PRKACB: variants seen among roughly 807,000 people sequenced by gnomAD.
PRKACB encodes protein kinase cAMP-activated catalytic subunit beta, also known as cAMP-dependent protein kinase catalytic subunit beta.
In PRKACB, 16 loss-of-function variants were observed where a neutral mutation model predicts 51.4. The observed-to-expected ratio is 0.31, with a 90% confidence interval of 0.21 to 0.47. PRKACB has a LOEUF of 0.47. Among genes scored for constraint, PRKACB ranks in the 20% least tolerant of loss-of-function variants. PRKACB has a pLI of 1.00. For synonymous variants in PRKACB, 147 were observed against 154.4 expected (o/e 0.95, Z 0.35); for missense variants, 309 against 464.5 (o/e 0.67, Z 3.08).
At chr1:84,201,106 T>C (rs1209982143) in intron 7 of PRKACB, among the ~76,000 whole-genome samples, 1 of 152,162 alleles carries the variant, frequency 6.6e-6, no homozygotes, top group African/African-American at 2.4e-5. Context: ...TAGGAACATT[T>C]TTAAGGCTTT....
intron 1 of PRKACB, among the ~76,000 whole-genome samples, chr1:84,168,012 C>T (rs1658098581): frequency 6.6e-6 from 1 of 151,460 alleles, no homozygotes; most frequent in South Asian, 2.1e-4. Flanking sequence ...CAAACAAGGT[C>T]TATAAAGAAA....
chr1:84,180,537 C>T (rs1051410049), intron 2 of PRKACB, among the ~76,000 whole-genome samples: 14 of 151,114 alleles, frequency 9.3e-5, no homozygotes, highest in African/African-American at 3.4e-4. Flanking sequence ...CTCATGTAAC[C>T]AAATACCACC....
At chr1:84,106,846 T>C (rs1234419252) in intron 1 of PRKACB, among the ~76,000 whole-genome samples, 1 of 152,174 alleles carries the variant, frequency 6.6e-6, no homozygotes, top group Non-Finnish European at 1.5e-5. Flanking sequence ...ATTGCCTGAC[T>C]TCAAACTGTA....
Position 84,162,439 on chromosome 1 carries a change from T to C in PRKACB, c.188-16738T>C, listed in dbSNP as rs75032038. ...ATGAGATATATGTTGGTTCCCTTGATATCCCATAAGTTTCTCAGGCTCTGT... is the reference window on the plus strand; with the variant it reads ...ATGAGATATATGTTGGTTCCCTTGACATCCCATAAGTTTCTCAGGCTCTGT... On this transcript the variant is annotated intron_variant, in intron 1 of 9. Coordinates refer to ENST00000370685, the MANE Select transcript of PRKACB (RefSeq NM_182948.4). Among the ~76,000 whole-genome samples the C allele has an allele frequency of 1.2e-4, 18 of 152,160 alleles. No individual in the cohort carries two copies. In the East Asian group the frequency reaches 3.3e-3, roughly 28 times the overall value.
intron 9 of PRKACB, among the ~76,000 whole-genome samples, chr1:84,225,815 C>G (rs939602811): frequency 1.3e-5 from 2 of 152,182 alleles, no homozygotes; most frequent in Non-Finnish European, 2.9e-5. Flanking sequence ...TGGAGAACCT[C>G]TTGTGGCTGC....
intron 9 of PRKACB, among the ~76,000 whole-genome samples, chr1:84,231,520 G>A (rs1242653233): frequency 6.6e-6 from 1 of 152,260 alleles, no homozygotes; most frequent in East Asian, 1.9e-4. Context: ...TTGTACCTCT[G>A]GTAGAATTCG....
intron 1 of PRKACB, among the ~76,000 whole-genome samples, chr1:84,082,283 C>A (rs953466592): frequency 2.0e-5 from 3 of 152,294 alleles, no homozygotes; most frequent in Non-Finnish European, 1.5e-5. Flanking sequence ...GATGCTAAGA[C>A]ACACAGAATA....
chr1:84,209,648 G>A (rs918011877), intron 8 of PRKACB, among the ~76,000 whole-genome samples: 39 of 152,120 alleles, frequency 2.6e-4, no homozygotes, highest in African/African-American at 8.0e-4. Flanking sequence ...GTTTTCTTCA[G>A]AGTAAAAGTC....
chr1:84,116,203 G>A (rs1225386769), intron 1 of PRKACB, among the ~76,000 whole-genome samples: 1 of 151,994 alleles, frequency 6.6e-6, no homozygotes, highest in Admixed American at 6.6e-5. Flanking sequence ...GTTCCATTAT[G>A]TGTCTTTTTT....
intron 9 of PRKACB, among the ~76,000 whole-genome samples, chr1:84,225,362 G>A (rs1440476289): frequency 6.6e-6 from 1 of 152,174 alleles, no homozygotes; most frequent in African/African-American, 2.4e-5. Context: ...TCTGGGGAGT[G>A]TATGCTTTGG....
chr1:84,111,584 T>C lies in PRKACB; in HGVS notation c.46+33213T>C, dbSNP rs185639041. ...AGGGTAAAATACTACCCATACATAA[T>C]TTCCAACATTTTGATCAGATTCTAC... On this transcript the variant is annotated intron_variant, in intron 1 of 8. Coordinates refer to the PRKACB transcript ENST00000370688. 1.5e-3 allele frequency among the ~76,000 whole-genome samples: 223 copies of C among 152,208 alleles called. 2 individuals carry two copies. The highest frequency in any genetic ancestry group is 4.0e-3 in the Admixed American group (61 of 15,264).
chr1:84,098,216 AT>A (rs1377197928), intron 1 of PRKACB, among the ~76,000 whole-genome samples: 1 of 152,084 alleles, frequency 6.6e-6, no homozygotes, highest in African/African-American at 2.4e-5. Flanking sequence ...AGGAGTTATT[AT>A]TTTGCAGAAA....
rs1657614041 is a variant in PRKACB, at chr1:84,166,761, T to C, written c.188-12416T>C. The stretch of plus-strand genomic sequence containing the variant: ...GTGATATTTATGTGTACATGGTACT[T>C]TTCTCGTTATAAGACTATTCCTTTT... On this transcript the variant is annotated intron_variant, in intron 1 of 9. Transcript: ENST00000370685. 2.0e-5 allele frequency among the ~76,000 whole-genome samples: 3 copies of C among 151,696 alleles called. No individual in the cohort carries two copies. The South Asian group carries it at 6.2e-4, about 31-fold the overall frequency.
At chr1:84,212,334 A>T (rs1056081454) in intron 8 of PRKACB, among the ~76,000 whole-genome samples, 4 of 152,152 alleles carry the variant, frequency 2.6e-5, no homozygotes, top group Non-Finnish European at 4.4e-5. Context: ...CTAGGACCAG[A>T]TTTTGAAAAA....
Position 84,191,687 on chromosome 1 carries a change from G to A in PRKACB, c.561-4929G>A, listed in dbSNP as rs181490077. Reference sequence around the variant, plus strand: ...CACTAGGGACTACTAGAGAGGAGAGGGAGGGAGGAGAATATGGGCTGAAAA... The same window carrying A: ...CACTAGGGACTACTAGAGAGGAGAGAGAGGGAGGAGAATATGGGCTGAAAA... On this transcript the variant is annotated intron_variant, in intron 5 of 9. Coordinates refer to ENST00000370685, the MANE Select transcript of PRKACB (RefSeq NM_182948.4). 7.8e-4 allele frequency among the ~76,000 whole-genome samples: 119 copies of A among 152,118 alleles called. 2 individuals are homozygous for A. The East Asian group carries it at 0.02, about 25-fold the overall frequency.
At chr1:84,165,782 G>T (rs893953556) in intron 1 of PRKACB, among the ~76,000 whole-genome samples, 30 of 151,746 alleles carry the variant, frequency 2.0e-4, no homozygotes, top group African/African-American at 7.2e-4. Flanking sequence ...CCTGTTGTTA[G>T]AGTGAAAAAC....
intron 1 of PRKACB, among the ~76,000 whole-genome samples, chr1:84,171,934 T>C (rs1331183529): frequency 6.6e-6 from 1 of 151,624 alleles, no homozygotes; most frequent in Non-Finnish European, 1.5e-5. Flanking sequence ...GCAACCAAAG[T>C]GCTAAAGAAC....
intron 5 of PRKACB, among the ~76,000 whole-genome samples, chr1:84,191,810 A>G (rs1459746315): frequency 6.6e-6 from 1 of 152,134 alleles, no homozygotes; most frequent in African/African-American, 2.4e-5. Flanking sequence ...AAACCTGCAC[A>G]TGTACTCTCT....
Position 84,235,210 on chromosome 1 carries a change from G to A in PRKACB, c.1102G>A (p.Gly368Ser). 6.2e-7 allele frequency: 1 copy of A among 1,613,850 alleles called. No individual in the cohort carries two copies. Among genetic ancestry groups the A allele is most frequent in the Non-Finnish European group, 8.5e-7 (1 of 1,179,894 alleles). The change falls in exon 10 of 10, where the codon GGC (glycine) becomes AGC (serine). Residue 368 changes from glycine to serine, a missense_variant. Gly to Ser is a moderately conservative substitution (Grantham distance 56). Transcript: ENST00000370685. ...VEAPFIPKFR[G>S]SGDTSNFDDY... Reference sequence around the variant, plus strand: ...AGCTCCATTCATACCAAAGTTTAGAGGCTCTGGAGATACCAGCAACTTTGA... The same window carrying A: ...AGCTCCATTCATACCAAAGTTTAGAAGCTCTGGAGATACCAGCAACTTTGA...
Sources: allele counts gnomAD v4.1 joint callset (sites outside exome capture counted in the v4.1 genomes callset), GRCh38; gene constraint gnomAD v4.1.1; transcripts MANE v1.5; gene names NCBI Gene and HGNC (gene_info 2026-07-23, HGNC 2026-07-21).